NEGR1: variants seen among roughly 807,000 people sequenced by gnomAD.
NEGR1 encodes neuronal growth regulator 1.
A neutral mutation model predicts 40.9 loss-of-function variants in NEGR1; 10 were observed. The observed-to-expected ratio is 0.24, with a 90% CI of 0.15 to 0.42. NEGR1 has a LOEUF of 0.42. NEGR1 is among the 10% of genes least tolerant of loss of function. The pLI is 1.00. For missense variants in NEGR1, 352 were observed against 438.9 expected, an observed-to-expected ratio of 0.80 and a Z score of 1.77; for synonymous variants, 185 against 166.8, an observed-to-expected ratio of 1.11 and a Z score of -0.84.
chr1:72,138,290 G>A (rs949924684), intron 1 of NEGR1, among the ~76,000 whole-genome samples: 4 of 151,412 alleles, frequency 2.6e-5, no homozygotes, highest in African/African-American at 7.3e-5. Context: ...CAAAAAGAAG[G>A]CAGAAAAAAA....
chr1:71,673,888 A>G (rs1405309237), intron 4 of NEGR1, among the ~76,000 whole-genome samples: 3 of 152,152 alleles, frequency 2.0e-5, no homozygotes, highest in Non-Finnish European at 4.4e-5. Context: ...TGGAGAACAT[A>G]GACATGTGGA....
chr1:72,013,622 A>C (rs1646680404), intron 1 of NEGR1, among the ~76,000 whole-genome samples: 1 of 152,102 alleles, frequency 6.6e-6, no homozygotes, highest in South Asian at 2.1e-4. Context: ...TAAATAAATA[A>C]ACCTCTATTA....
chr1:71,841,639 C>A (rs1659243257), intron 2 of NEGR1, among the ~76,000 whole-genome samples: 1 of 152,154 alleles, frequency 6.6e-6, no homozygotes, highest in South Asian at 2.1e-4. Context: ...GGTAGCCTCT[C>A]AAACCTTCCA....
chr1:72,037,771 A>G (rs1043677291), intron 1 of NEGR1, among the ~76,000 whole-genome samples: 1 of 152,094 alleles, frequency 6.6e-6, no homozygotes, highest in African/African-American at 2.4e-5. Context: ...TTTCATTTTT[A>G]TTTAATATTA....
At chr1:71,473,543 G>C (rs367872365) in intron 6 of NEGR1, among the ~76,000 whole-genome samples, 3 of 152,046 alleles carry the variant, frequency 2.0e-5, no homozygotes, top group African/African-American at 7.2e-5. Flanking sequence ...ATGACCCTCG[G>C]TGTACTTCCT....
chr1:72,173,307 T>G (rs927301963), intron 1 of NEGR1, among the ~76,000 whole-genome samples: 1 of 70,836 alleles, frequency 1.4e-5, no homozygotes, highest in Non-Finnish European at 3.2e-5. Flanking sequence ...CACACCAGCC[T>G]GAAGGTCAAA....
intron 3 of NEGR1, among the ~76,000 whole-genome samples, chr1:71,736,005 A>G (rs1442631341): frequency 6.6e-6 from 1 of 152,138 alleles, no homozygotes; most frequent in Non-Finnish European, 1.5e-5. Context: ...GAATATTGAC[A>G]GAGTTCCTGA....
chr1:72,274,592 G>A, intron 1 of NEGR1: 1 of 780,138 alleles, frequency 1.3e-6, no homozygotes, highest in South Asian at 1.4e-5. Context: ...TATGGCGAAA[G>A]CCCATACCTT....
At chr1:72,222,826 T>G (rs1654057927) in intron 1 of NEGR1, among the ~76,000 whole-genome samples, 1 of 151,868 alleles carries the variant, frequency 6.6e-6, no homozygotes, top group South Asian at 2.1e-4. Flanking sequence ...ATGGGAATGT[T>G]GCATCTACAC....
At chr1:71,675,166 C>A (rs12408386) in intron 4 of NEGR1, among the ~76,000 whole-genome samples, 40,143 of 125,370 alleles carry the variant, frequency 0.32, 7,771 homozygotes, top group East Asian at 0.48. Context: ...ATATTTAAAG[C>A]AGGTGTTAGC....
intron 2 of NEGR1, 28 bp from the exon 3 acceptor site, chr1:71,776,325 GA>G: frequency 2.3e-5 from 33 of 1,439,934 alleles, no homozygotes; most frequent in South Asian, 5.4e-5. Context: ...GCAGTGATTA[GA>G]AAAAAATATA....
chr1:71,611,254 TG>T, intron 4 of NEGR1, 108 bp from the exon 5 acceptor site: 1 of 975,538 alleles, frequency 1.0e-6, no homozygotes. Flanking sequence ...AGCAATCTTA[TG>T]CCTGATAGAC....
At chr1:72,030,482 G>A (rs1462922462) in intron 1 of NEGR1, among the ~76,000 whole-genome samples, 4 of 152,032 alleles carry the variant, frequency 2.6e-5, no homozygotes, top group Admixed American at 6.6e-5. Flanking sequence ...TGGGTACCTG[G>A]TATGTAAGAG....
At chr1:71,453,995 G>A (rs923855695) in intron 6 of NEGR1, among the ~76,000 whole-genome samples, 2 of 152,152 alleles carry the variant, frequency 1.3e-5, no homozygotes, top group African/African-American at 4.8e-5. Flanking sequence ...AAACACTGGT[G>A]TCTAACTGTC....
At chr1:71,704,602 T>A (rs973479491) in intron 3 of NEGR1, among the ~76,000 whole-genome samples, 1 of 151,762 alleles carries the variant, frequency 6.6e-6, no homozygotes, top group Non-Finnish European at 1.5e-5. Context: ...AAAAAATAAA[T>A]AATCTGAATA....
intron 2 of NEGR1, among the ~76,000 whole-genome samples, chr1:71,847,919 T>C (rs1478927047): frequency 6.6e-6 from 1 of 152,126 alleles, no homozygotes; most frequent in African/African-American, 2.4e-5. Context: ...AAGCTGTAAA[T>C]GCCAAGGAAA....
intron 1 of NEGR1, among the ~76,000 whole-genome samples, chr1:72,092,903 C>T (rs1569951242): frequency 1.3e-5 from 2 of 152,212 alleles, no homozygotes; most frequent in South Asian, 2.1e-4. Flanking sequence ...ATGCCTGTCT[C>T]GGCCTCCCAA....
intron 4 of NEGR1, among the ~76,000 whole-genome samples, chr1:71,627,282 G>A (rs996500345): frequency 1.3e-5 from 2 of 152,178 alleles, no homozygotes; most frequent in Non-Finnish European, 2.9e-5. Flanking sequence ...TTAAGAAAAT[G>A]TGGCACATAT....
rs1297666283 is a variant in NEGR1, at chr1:72,210,527, G to A, written c.176+71792C>T. 2.6e-5 allele frequency among the ~76,000 whole-genome samples: 4 copies of A among 151,966 alleles called. No homozygotes were observed. In the East Asian group the frequency reaches 7.7e-4, roughly 29 times the overall value. On this transcript the variant is annotated intron_variant, in intron 1 of 6. Transcript: ENST00000357731. ...AAAAAATCAAAGTTAAACAGAGGCA[G>A]GCATTTGGCAGACATTTGCTTGAAA...
Sources: allele counts gnomAD v4.1 joint callset (sites outside exome capture counted in the v4.1 genomes callset), GRCh38; gene constraint gnomAD v4.1.1; transcripts MANE v1.5; gene names NCBI Gene and HGNC (gene_info 2026-07-23, HGNC 2026-07-21).